The following RFTN2 variants were observed in gnomAD, a reference collection of about 807,000 sequenced individuals.
The protein encoded by RFTN2 is raftlin-2.
A neutral mutation model predicts 52.7 loss-of-function variants in RFTN2; 34 were observed. The observed-to-expected ratio is 0.64, with a 90% CI of 0.49 to 0.86. The LOEUF (loss-of-function observed/expected upper bound fraction) is 0.86, where lower values mean the gene tolerates loss of function less well. RFTN2 is among the 40% of genes least tolerant of loss of function. The pLI is 0.00. For synonymous variants in RFTN2, 203 were observed against 217.7 expected (o/e 0.93, Z 0.59); for missense variants, 536 against 600.1 (o/e 0.89, Z 1.12).
intron 8 of RFTN2, among the ~76,000 whole-genome samples, chr2:197,579,557 T>C (rs914202305): frequency 1.3e-5 from 2 of 152,204 alleles, no homozygotes; most frequent in Admixed American, 1.3e-4. Flanking sequence ...ATAATTCTTG[T>C]CGTGAAATGG....
At chr2:197,625,455 A>T (rs867239631) in intron 5 of RFTN2, among the ~76,000 whole-genome samples, 51 of 152,076 alleles carry the variant, frequency 3.4e-4, no homozygotes, top group African/African-American at 1.1e-3. Context: ...TTGGTATTCA[A>T]CTGCCCAGAG....
In RFTN2 at chr2:197,602,390, T is replaced by A. The variant is rs555945064; in HGVS notation, c.1155-6321A>T. 7.9e-5 allele frequency among the ~76,000 whole-genome samples: 12 copies of A among 152,178 alleles called. No homozygotes were observed. The South Asian group carries it at 8.3e-4, about 11-fold the overall frequency. ...CCAGCTGATAATTAAATTAAAAAAA[T>A]TTTTTTGTAGGAAGTTACAAGGACA... On this transcript the variant is annotated intron_variant, in intron 7 of 8. Coordinates refer to ENST00000295049, the MANE Select transcript of RFTN2 (RefSeq NM_144629.3).
chr2:197,582,752 T>C (rs557563636), intron 8 of RFTN2, among the ~76,000 whole-genome samples: 2 of 152,320 alleles, frequency 1.3e-5, no homozygotes, highest in East Asian at 3.9e-4. Flanking sequence ...GCCTCTTTAA[T>C]AAAATAGGCC....
At position 197,572,190 on chromosome 2, in the gene RFTN2, C is replaced by G; in HGVS notation, c.1324G>C (p.Glu442Gln). Residue 442 changes from glutamate to glutamine, a missense_variant, in exon 9 of 9, where the codon GAG (glutamate) becomes CAG (glutamine). Coordinates refer to ENST00000295049, the MANE Select transcript of RFTN2 (RefSeq NM_144629.3). ...CACTCCTCAGGCAGGTGTCTGCTCT[C>G]TGCAGGTTGTGACGAGGTTGTGTCT... ...GLDTTSSQPA[E>Q]SRHLPEECRL... is the part of the protein sequence containing the mutation. 6.2e-7 allele frequency: 1 copy of G among 1,614,278 alleles called. No individual in the cohort carries two copies. Among genetic ancestry groups the G allele is most frequent in the Non-Finnish European group, 8.5e-7 (1 of 1,180,054 alleles).
intron 8 of RFTN2, among the ~76,000 whole-genome samples, chr2:197,590,789 C>T (rs754389781): frequency 9.2e-5 from 14 of 152,082 alleles, no homozygotes; most frequent in Non-Finnish European, 1.3e-4. Flanking sequence ...TCGTTCCTCC[C>T]GGTGGGTTCG....
At chr2:197,645,491 C>A (rs1371980260) in intron 2 of RFTN2, among the ~76,000 whole-genome samples, 2 of 152,106 alleles carry the variant, frequency 1.3e-5, no homozygotes, top group Non-Finnish European at 2.9e-5. Flanking sequence ...ATGTGTTAAT[C>A]TAAGATATTT....
intron 8 of RFTN2, among the ~76,000 whole-genome samples, chr2:197,587,027 AATTCTTT>A (rs1380449868): frequency 1.3e-5 from 2 of 152,110 alleles, no homozygotes; most frequent in African/African-American, 2.4e-5. Context: ...CCCAATTCTT[AATTCTTT>A]AATACCTGTT....
chr2:197,624,243 AAG>A (rs1175547633), intron 5 of RFTN2, among the ~76,000 whole-genome samples: 1 of 152,212 alleles, frequency 6.6e-6, no homozygotes, highest in Admixed American at 6.5e-5. Flanking sequence ...CCCATTTTGA[AAG>A]AAGTTCTACT....
intron 8 of RFTN2, among the ~76,000 whole-genome samples, chr2:197,587,646 C>T (rs980638079): frequency 6.6e-6 from 1 of 152,080 alleles, no homozygotes; most frequent in Non-Finnish European, 1.5e-5. Flanking sequence ...GGACTCAGCC[C>T]GCCTGCACCC....
At chr2:197,641,748 A>C (rs1337683310) in intron 3 of RFTN2, among the ~76,000 whole-genome samples, 1 of 152,238 alleles carries the variant, frequency 6.6e-6, no homozygotes, top group Non-Finnish European at 1.5e-5. Context: ...AACTCTTTAC[A>C]CAAGGCAGCC....
chr2:197,640,444 G>GT (rs1235209065), intron 3 of RFTN2, among the ~76,000 whole-genome samples: 1 of 151,124 alleles, frequency 6.6e-6, no homozygotes, highest in African/African-American at 2.4e-5. Context: ...GTGGTGCGCC[G>GT]TTTTTTAAGC....
chr2:197,577,782 T>C (rs1441085410), intron 8 of RFTN2, among the ~76,000 whole-genome samples: 1 of 152,198 alleles, frequency 6.6e-6, no homozygotes, highest in African/African-American at 2.4e-5. Flanking sequence ...TTCAGAGTCA[T>C]TACTATTTAC....
At chr2:197,613,406 C>A (rs948457160) in intron 7 of RFTN2, among the ~76,000 whole-genome samples, 2 of 152,190 alleles carry the variant, frequency 1.3e-5, no homozygotes, top group Non-Finnish European at 2.9e-5. Context: ...CCAAATCATA[C>A]AGCTAAACAA....
intron 1 of RFTN2, among the ~76,000 whole-genome samples, chr2:197,666,542 T>C (rs1036104590): frequency 1.3e-5 from 2 of 152,240 alleles, no homozygotes; most frequent in Non-Finnish European, 2.9e-5. Context: ...GGTGACTAGA[T>C]ACTTTTCTCT....
chr2:197,586,817 C>T (rs536946208), intron 8 of RFTN2, among the ~76,000 whole-genome samples: 1 of 152,126 alleles, frequency 6.6e-6, no homozygotes, highest in Admixed American at 6.5e-5. Flanking sequence ...CCAAAACCGC[C>T]GAGGCCTTGA....
At chr2:197,627,461 C>G (rs1441770868) in intron 5 of RFTN2, among the ~76,000 whole-genome samples, 2 of 152,162 alleles carry the variant, frequency 1.3e-5, no homozygotes, top group Admixed American at 1.3e-4. Flanking sequence ...ATTATAAACC[C>G]AGTGCTTGGC....
chr2:197,669,244 A>G (rs992745052), intron 1 of RFTN2, among the ~76,000 whole-genome samples: 1 of 152,164 alleles, frequency 6.6e-6, no homozygotes, highest in African/African-American at 2.4e-5. Context: ...TATCTTCTTA[A>G]TATGCTACAT....
At chr2:197,658,948 ATTC>A (rs1387379531) in intron 1 of RFTN2, among the ~76,000 whole-genome samples, 2 of 152,226 alleles carry the variant, frequency 1.3e-5, no homozygotes, top group Non-Finnish European at 2.9e-5. Context: ...TTTTTCATTT[ATTC>A]TTATAGTTTC....
intron 8 of RFTN2, among the ~76,000 whole-genome samples, chr2:197,587,050 C>T (rs1217176103): frequency 1.3e-5 from 2 of 152,266 alleles, no homozygotes; most frequent in South Asian, 2.1e-4. Context: ...CTGTTCTTCT[C>T]CTCTTATTCA....
Sources: gnomAD v4.1 joint callset for allele counts (sites outside exome capture counted in the v4.1 genomes callset) on GRCh38, gnomAD v4.1.1 for gene constraint, MANE v1.5 for transcripts, NCBI Gene and HGNC (gene_info 2026-07-23, HGNC 2026-07-21) for gene names.